The following KLF12 variants were observed in gnomAD, a reference collection of about 807,000 sequenced individuals.
KLF12 encodes KLF transcription factor 12.
A neutral mutation model predicts 37.8 loss-of-function variants in KLF12; 9 were observed. The ratio of observed to expected loss-of-function variants is 0.24; its 90% CI spans 0.14 to 0.42. The LOEUF (loss-of-function observed/expected upper bound fraction) is 0.42, where lower values mean the gene tolerates loss of function less well. Among genes scored for constraint, KLF12 ranks in the 10% least tolerant of loss-of-function variants. The pLI is 1.00. For synonymous variants in KLF12, 208 were observed against 202.1 expected (o/e 1.03, Z -0.25); for missense variants, 411 against 516.0 (o/e 0.80, Z 1.97).
intron 2 of KLF12, among the ~76,000 whole-genome samples, chr13:73,975,754 G>A (rs1014063925): frequency 6.6e-6 from 1 of 151,966 alleles, no homozygotes; most frequent in East Asian, 1.9e-4. Flanking sequence ...CAACTGTGCC[G>A]TACCTCCTCC....
intron 3 of KLF12, among the ~76,000 whole-genome samples, chr13:73,862,491 C>T (rs536162324): frequency 6.7e-4 from 102 of 152,210 alleles, no homozygotes; most frequent in Middle Eastern, 3.4e-3. Flanking sequence ...AATACTAACT[C>T]CCACATCTGA....
chr13:74,285,096 G>A, the KLF12 span, among the ~76,000 whole-genome samples: 389 of 152,024 alleles, frequency 2.6e-3, 3 homozygotes, highest in African/African-American at 9.0e-3. Flanking sequence ...AGGGCACATG[G>A]TTTTTCTTGT....
chr13:74,091,023 A>G (rs1485696023), intron 1 of KLF12, among the ~76,000 whole-genome samples: 9 of 152,056 alleles, frequency 5.9e-5, no homozygotes, highest in Admixed American at 2.0e-4. Flanking sequence ...TGGTTTTAGC[A>G]TAAGGATGTA....
chr13:74,147,887 G>C, the KLF12 span, among the ~76,000 whole-genome samples: 1 of 151,662 alleles, frequency 6.6e-6, no homozygotes, highest in African/African-American at 2.4e-5. Flanking sequence ...TATGTATATT[G>C]CTCCAATAAT....
the KLF12 span, among the ~76,000 whole-genome samples, chr13:74,193,426 A>G: frequency 6.6e-6 from 1 of 152,216 alleles, no homozygotes; most frequent in Non-Finnish European, 1.5e-5. Flanking sequence ...AGTTCCAGGC[A>G]CTAGCCGACA....
At chr13:74,263,195 A>G in the KLF12 span, among the ~76,000 whole-genome samples, 1 of 152,194 alleles carries the variant, frequency 6.6e-6, no homozygotes, top group Non-Finnish European at 1.5e-5. Context: ...CTTATAGCTA[A>G]GTAAAAAATA....
chr13:74,303,766 T>C, the KLF12 span, among the ~76,000 whole-genome samples: 1 of 152,072 alleles, frequency 6.6e-6, no homozygotes, highest in Non-Finnish European at 1.5e-5. Context: ...ATCCTCCTGG[T>C]TTCAGAAATG....
At chr13:74,086,106 C>T (rs1033418306) in intron 1 of KLF12, among the ~76,000 whole-genome samples, 41 of 151,558 alleles carry the variant, frequency 2.7e-4, no homozygotes, top group Non-Finnish European at 4.7e-4. Context: ...CTAAAGGAAT[C>T]ACTAATTTTT....
intron 3 of KLF12, among the ~76,000 whole-genome samples, chr13:73,923,155 CTT>C (rs1386200408): frequency 2.6e-5 from 4 of 152,156 alleles, no homozygotes; most frequent in African/African-American, 7.2e-5. Flanking sequence ...CATTCACTCT[CTT>C]AGCAGAGAAG....
intron 6 of KLF12, among the ~76,000 whole-genome samples, chr13:73,732,811 G>A (rs1314968138): frequency 6.6e-6 from 1 of 151,974 alleles, no homozygotes. Context: ...TTCCACTTGT[G>A]TGTCAAGCAG....
Position 73,690,987 on chromosome 13 carries a change from T to C in KLF12, c.*4503A>G, listed in dbSNP as rs549480228. On this transcript the variant is annotated 3_prime_UTR_variant, in exon 8 of 8. Transcript: ENST00000377669. ...ATGGGTTACTAAACAGACATTATAA[T>C]GAAACTGTGAAAATATAGCAATTTT... 21 of 152,642 alleles carry C rather than the reference T, an allele frequency of 1.4e-4. No homozygotes were observed. The highest frequency in any genetic ancestry group is 3.3e-4 in the Admixed American group (5 of 15,272). 9.5% of individuals were successfully genotyped at this position (152,642 alleles called of 1,614,324 possible). A position where few individuals can be genotyped will look rare whatever the true frequency, so the allele number is the denominator to read the frequency against.
the KLF12 span, among the ~76,000 whole-genome samples, chr13:74,198,232 G>A: frequency 6.6e-6 from 1 of 152,108 alleles, no homozygotes; most frequent in African/African-American, 2.4e-5. Context: ...GTGTCTCCTG[G>A]CTTTACTCCT....
At chr13:73,792,193 T>C (rs888653173) in intron 5 of KLF12, among the ~76,000 whole-genome samples, 5 of 152,176 alleles carry the variant, frequency 3.3e-5, no homozygotes, top group African/African-American at 1.2e-4. Context: ...AACCCACCAA[T>C]GTATACTCAC....
chr13:74,244,862 T>C, the KLF12 span, among the ~76,000 whole-genome samples: 1 of 152,210 alleles, frequency 6.6e-6, no homozygotes, highest in Non-Finnish European at 1.5e-5. Context: ...CTGAGCAATG[T>C]GTATTCCAAA....
intron 3 of KLF12, among the ~76,000 whole-genome samples, chr13:73,936,654 G>A (rs1022705535): frequency 6.6e-6 from 1 of 152,038 alleles, no homozygotes; most frequent in Non-Finnish European, 1.5e-5. Context: ...TCAGTGAGAC[G>A]GCGAGGCCCT....
chr13:73,954,762 T>C (rs1890776495), intron 2 of KLF12, among the ~76,000 whole-genome samples: 1 of 152,238 alleles, frequency 6.6e-6, no homozygotes, highest in Admixed American at 6.5e-5. Context: ...TTTTCAAGAA[T>C]ATCCACTTCC....
chr13:73,819,261 G>T (rs960611620), intron 4 of KLF12, among the ~76,000 whole-genome samples: 1 of 152,114 alleles, frequency 6.6e-6, no homozygotes, highest in Non-Finnish European at 1.5e-5. Context: ...AAGGAGTAAA[G>T]AAGATAATAC....
At chr13:74,134,305 C>T (rs992432160), upstream of KLF12, among the ~76,000 whole-genome samples, 1 of 151,734 alleles carries the variant, frequency 6.6e-6, no homozygotes, top group African/African-American at 2.4e-5. Context: ...GGGGCGGCGG[C>T]GGGGAGGGGC....
At chr13:73,928,574 C>G (rs1566465288) in intron 3 of KLF12, among the ~76,000 whole-genome samples, 1 of 152,150 alleles carries the variant, frequency 6.6e-6, no homozygotes, top group Non-Finnish European at 1.5e-5. Context: ...CCTAAATTAA[C>G]CAAATCAGTT....
Sources: allele counts gnomAD v4.1 joint callset (sites outside exome capture counted in the v4.1 genomes callset), GRCh38; gene constraint gnomAD v4.1.1; transcripts MANE v1.5; gene names NCBI Gene and HGNC (gene_info 2026-07-23, HGNC 2026-07-21).